Variants in ASIC2 observed in about 807,000 individuals in gnomAD.
ASIC2 encodes the protein acid-sensing ion channel 2.
In ASIC2, 25 loss-of-function variants were observed where a neutral mutation model predicts 57.3. The observed-to-expected ratio is 0.44, with a 90% CI of 0.32 to 0.61. ASIC2 has a LOEUF of 0.61. Ranked by LOEUF, ASIC2 falls within the 20% of genes least tolerant of loss-of-function variation. The pLI is 0.06. For synonymous variants in ASIC2, 319 were observed against 307.5 expected, an observed-to-expected ratio of 1.04 and a Z score of -0.39; for missense variants, 641 against 738.1, an observed-to-expected ratio of 0.87 and a Z score of 1.52.
intron 1 of ASIC2, among the ~76,000 whole-genome samples, chr17:33,842,090 T>G (rs1913455235): frequency 6.6e-6 from 1 of 152,222 alleles, no homozygotes; most frequent in South Asian, 2.1e-4. Context: ...GGTGGTGGGC[T>G]GGACGACATA....
chr17:33,894,882 A>G (rs1035211759), intron 1 of ASIC2, among the ~76,000 whole-genome samples: 1 of 152,164 alleles, frequency 6.6e-6, no homozygotes, highest in African/African-American at 2.4e-5. Flanking sequence ...ATTGGCATAA[A>G]TGATAAACAT....
At chr17:33,747,535 C>T (rs754366349) in intron 1 of ASIC2, among the ~76,000 whole-genome samples, 1 of 152,138 alleles carries the variant, frequency 6.6e-6, no homozygotes, top group Non-Finnish European at 1.5e-5. Flanking sequence ...CCTTCCCACA[C>T]TTTACCTGGA....
At chr17:33,726,166 C>A (rs1294892137) in intron 1 of ASIC2, among the ~76,000 whole-genome samples, 2 of 152,080 alleles carry the variant, frequency 1.3e-5, no homozygotes, top group African/African-American at 4.8e-5. Flanking sequence ...CAGAAAACTG[C>A]CAAAGCTTCT....
chr17:33,556,250 G>A (rs1915904820), intron 1 of ASIC2, among the ~76,000 whole-genome samples: 1 of 152,192 alleles, frequency 6.6e-6, no homozygotes, highest in Non-Finnish European at 1.5e-5. Flanking sequence ...GGGGAGAAGA[G>A]ACAATCTTAA....
intron 1 of ASIC2, among the ~76,000 whole-genome samples, chr17:33,582,220 G>A (rs1190972615): frequency 2.0e-5 from 3 of 152,200 alleles, no homozygotes; most frequent in Admixed American, 2.0e-4. Context: ...GGACAGTAAT[G>A]CGTTGTGAGC....
chr17:33,648,581 G>T (rs1399477511), intron 1 of ASIC2, among the ~76,000 whole-genome samples: 5 of 152,204 alleles, frequency 3.3e-5, no homozygotes, highest in African/African-American at 1.2e-4. Context: ...AGAAACCACA[G>T]TGAACACCTT....
chr17:33,196,422 A>C (rs1356063567), intron 1 of ASIC2, among the ~76,000 whole-genome samples: 1 of 152,176 alleles, frequency 6.6e-6, no homozygotes, highest in African/African-American at 2.4e-5. Context: ...GAAGGATAAA[A>C]ATACATGGGG....
intron 1 of ASIC2, among the ~76,000 whole-genome samples, chr17:34,081,588 CCTTCTCAAAGGGAGGGA>C (rs577141322): frequency 1.2e-4 from 19 of 152,274 alleles, no homozygotes; most frequent in African/African-American, 4.3e-4. Flanking sequence ...ACCTCAAAAT[CCTTCTCAAAGGGAGGGA>C]ATGCATCCTT....
chr17:33,724,220 C>G (rs568056778), intron 1 of ASIC2, among the ~76,000 whole-genome samples: 1 of 152,130 alleles, frequency 6.6e-6, no homozygotes, highest in East Asian at 1.9e-4. Context: ...ACGAGGCCTC[C>G]CCAGCCACGA....
chr17:33,888,510 A>T (rs1383953366), intron 1 of ASIC2, among the ~76,000 whole-genome samples: 1 of 152,116 alleles, frequency 6.6e-6, no homozygotes, highest in Non-Finnish European at 1.5e-5. Context: ...CCCAGCAGCA[A>T]GGACAAAAAG....
At chr17:34,081,608 G>A (rs1356422123) in intron 1 of ASIC2, among the ~76,000 whole-genome samples, 1 of 152,198 alleles carries the variant, frequency 6.6e-6, no homozygotes, top group Non-Finnish European at 1.5e-5. Context: ...GGGAGGGAAT[G>A]CATCCTTGAA....
Position 33,799,520 on chromosome 17 carries a change from T to G in ASIC2, c.555+356458A>C, listed in dbSNP as rs141813093. ...TTACTTTCTTTCTTTCTTTCCTTCT[T>G]TCTTCTTTCTTCCACAAGCTTTCAA... is the stretch of plus-strand genomic sequence containing the variant. On this transcript the variant is annotated intron_variant, in intron 1 of 9. Coordinates refer to the ASIC2 transcript ENST00000359872. 3.4e-3 allele frequency among the ~76,000 whole-genome samples: 503 copies of G among 149,586 alleles called. 5 individuals carry two copies. Among genetic ancestry groups the G allele is most frequent in the African/African-American group, 0.012 (479 of 40,406 alleles).
chr17:33,167,181 C>G (rs1374334442), intron 1 of ASIC2, among the ~76,000 whole-genome samples: 2 of 152,192 alleles, frequency 1.3e-5, no homozygotes, highest in Non-Finnish European at 2.9e-5. Context: ...CCTTTGCCCT[C>G]TGCACTTCCA....
chr17:34,036,566 G>A (rs984644578), intron 1 of ASIC2: 4 of 148,698 alleles, frequency 2.7e-5, no homozygotes, highest in East Asian at 2.0e-4. Context: ...TATAAAAAAA[G>A]CACCATCCAT....
intron 1 of ASIC2, among the ~76,000 whole-genome samples, chr17:34,087,415 AG>A (rs1313058205): frequency 6.6e-6 from 1 of 152,124 alleles, no homozygotes; most frequent in Non-Finnish European, 1.5e-5. Context: ...ATCAGCTGTT[AG>A]TCTGATGGGC....
At chr17:33,301,968 T>C (rs973197908) in intron 1 of ASIC2, among the ~76,000 whole-genome samples, 7 of 152,206 alleles carry the variant, frequency 4.6e-5, no homozygotes, top group Admixed American at 1.3e-4. Context: ...GTCCAGACCC[T>C]CTTCTTCTTC....
intron 1 of ASIC2, among the ~76,000 whole-genome samples, chr17:33,379,672 C>G (rs1428823150): frequency 6.6e-6 from 1 of 152,144 alleles, no homozygotes; most frequent in Non-Finnish European, 1.5e-5. Flanking sequence ...GTGGCGAGGA[C>G]CATCAAGGTG....
At chr17:33,139,144 C>G (rs1028038864) in intron 1 of ASIC2, among the ~76,000 whole-genome samples, 3 of 152,206 alleles carry the variant, frequency 2.0e-5, no homozygotes, top group African/African-American at 7.2e-5. Context: ...TGCCTTCTTC[C>G]ATCATCTTTG....
chr17:33,429,911 A>C (rs1030200901), intron 1 of ASIC2, among the ~76,000 whole-genome samples: 6 of 152,174 alleles, frequency 3.9e-5, no homozygotes, highest in African/African-American at 1.4e-4. Flanking sequence ...AACCTGCTTA[A>C]GTTGAACACC....
Sources: gnomAD v4.1 joint callset for allele counts (sites outside exome capture counted in the v4.1 genomes callset) on GRCh38, gnomAD v4.1.1 for gene constraint, MANE v1.5 for transcripts, NCBI Gene and HGNC (gene_info 2026-07-23, HGNC 2026-07-21) for gene names.